OSBPL10: variants seen among roughly 807,000 people sequenced by gnomAD.
The protein encoded by OSBPL10 is oxysterol-binding protein-related protein 10.
A neutral mutation model predicts 81.7 loss-of-function variants in OSBPL10; 49 were observed. That is an observed-to-expected ratio of 0.60 (90% CI 0.48 to 0.76). The LOEUF (loss-of-function observed/expected upper bound fraction) is 0.76. OSBPL10 is among the 30% of genes least tolerant of loss of function. The pLI, the probability that OSBPL10 is intolerant of heterozygous loss-of-function variation, is 0.00. For synonymous variants in OSBPL10, 419 were observed against 383.6 expected (o/e 1.09, Z -1.08); for missense variants, 923 against 987.8 (o/e 0.93, Z 0.88).
intron 4 of OSBPL10, among the ~76,000 whole-genome samples, chr3:31,817,112 C>T (rs772266268): frequency 9.9e-5 from 15 of 152,170 alleles, no homozygotes; most frequent in Non-Finnish European, 1.5e-4. Context: ...GCCAACTGGT[C>T]CATGGGTGGC....
chr3:31,980,831 A>C (rs1417991370), intron 1 of OSBPL10, 68 bp downstream of exon 1: 1 of 1,427,586 alleles, frequency 7.0e-7, no homozygotes, highest in African/African-American at 1.9e-5. Flanking sequence ...ACACACATAC[A>C]CACACGCACG....
chr3:31,897,129 A>T (rs1225623487), intron 1 of OSBPL10, among the ~76,000 whole-genome samples: 1 of 152,228 alleles, frequency 6.6e-6, no homozygotes, highest in Non-Finnish European at 1.5e-5. Context: ...CCTAATAGAA[A>T]ACAAAGAACT....
intron 4 of OSBPL10, among the ~76,000 whole-genome samples, chr3:31,811,335 G>A (rs1186280141): frequency 6.6e-6 from 1 of 152,206 alleles, no homozygotes; most frequent in African/African-American, 2.4e-5. Flanking sequence ...ACCCGGAGAG[G>A]CCTGGGCTCA....
intron 11 of OSBPL10, chr3:31,662,615 G>T: frequency 1.0e-6 from 1 of 995,022 alleles, no homozygotes; most frequent in Non-Finnish European, 1.2e-6. Context: ...GAATTAAAAT[G>T]GTATTAATAC....
chr3:31,940,444 A>G (rs1265408199), intron 1 of OSBPL10, among the ~76,000 whole-genome samples: 1 of 152,130 alleles, frequency 6.6e-6, no homozygotes, highest in African/African-American at 2.4e-5. Context: ...GCACTGGGGA[A>G]TTTTCTGGGC....
In OSBPL10 at chr3:31,753,203, T is replaced by C. The variant is rs1697773332; in HGVS notation, c.730-5083A>G. The stretch of plus-strand genomic sequence containing the variant: ...TTCAAGGATTTTTTTTTTTTTTTTT[T>C]TAGACAGAGTTTCAATCTTTATTGA... On this transcript the variant is annotated intron_variant, in intron 4 of 11. Coordinates refer to ENST00000396556, the MANE Select transcript of OSBPL10 (RefSeq NM_017784.5). Among the ~76,000 whole-genome samples, 5 of 136,472 alleles carry C rather than the reference T, an allele frequency of 3.7e-5. No homozygotes were observed. The South Asian group carries it at 1.2e-3, about 32-fold the overall frequency. The allele number at this position is 136,472 out of a possible 152,430, so 89.5% of individuals were successfully genotyped here.
Position 31,879,843 on chromosome 3 carries a change from A to G in OSBPL10, c.282-13T>C. On this transcript the variant is annotated splice_polypyrimidine_tract_variant and intron_variant, in intron 1 of 11. Transcript: ENST00000396556. ...CAGTACGAAGTACCTGCACAGAGAA[A>G]CCACAGTACATCATTTTTCTCTCCT... The G allele has an allele frequency of 2.5e-6, 4 of 1,610,216 alleles. No individual in the cohort carries two copies. Among genetic ancestry groups the G allele is most frequent in the Non-Finnish European group, 3.4e-6 (4 of 1,178,616 alleles).
intron 4 of OSBPL10, among the ~76,000 whole-genome samples, chr3:31,799,668 A>C (rs950004935): frequency 6.6e-6 from 1 of 152,198 alleles, no homozygotes; most frequent in African/African-American, 2.4e-5. Flanking sequence ...CAAATAAGAA[A>C]ATAAAGCCTC....
At chr3:31,772,176 C>T (rs1698401595) in intron 4 of OSBPL10, among the ~76,000 whole-genome samples, 1 of 152,198 alleles carries the variant, frequency 6.6e-6, no homozygotes, top group South Asian at 2.1e-4. Flanking sequence ...TTACCCCGAA[C>T]CTCTGGTCAC....
At chr3:31,837,693 T>C (rs373393085) in intron 3 of OSBPL10, among the ~76,000 whole-genome samples, 6 of 149,758 alleles carry the variant, frequency 4.0e-5, no homozygotes. Flanking sequence ...TTGCCAGATA[T>C]ATGATGAATT....
intron 4 of OSBPL10, among the ~76,000 whole-genome samples, chr3:31,763,895 A>C (rs908485022): frequency 6.6e-6 from 1 of 152,180 alleles, no homozygotes; most frequent in African/African-American, 2.4e-5. Flanking sequence ...CTGCTTCATT[A>C]ATCTGAAAGG....
intron 7 of OSBPL10, among the ~76,000 whole-genome samples, chr3:31,696,828 C>A (rs1695735910): frequency 6.6e-6 from 1 of 152,242 alleles, no homozygotes; most frequent in African/African-American, 2.4e-5. Context: ...CTGAGCCTCA[C>A]TCATGAACTC....
chr3:31,979,106 C>T (rs534106595), intron 1 of OSBPL10, among the ~76,000 whole-genome samples: 9 of 152,292 alleles, frequency 5.9e-5, no homozygotes, highest in African/African-American at 1.9e-4. Context: ...ACTGACAAGG[C>T]ACCTTGAGTT....
At chr3:31,822,905 C>A in intron 4 of OSBPL10, among the ~76,000 whole-genome samples, 1 of 40,090 alleles carries the variant, frequency 2.5e-5, no homozygotes, top group African/African-American at 6.9e-5. Flanking sequence ...GAGTGAGACC[C>A]CCAACTCTAA....
In OSBPL10 at chr3:31,708,955, T is replaced by A. The variant is rs910812540; in HGVS notation, c.1096-6447A>T. 2.4e-5 allele frequency: 24 copies of A among 985,440 alleles called. No homozygotes were observed. The African/African-American group carries it at 4.2e-4, about 17-fold the overall frequency. The allele number at this position is 985,440 out of a possible 1,614,324, so 61.0% of individuals were successfully genotyped here. ...CTGCTGCAGGGCGGCTGTTGAAGGC[T>A]CCTGCACACGTACTATCCTCTACAT... is the stretch of plus-strand genomic sequence containing the variant. On this transcript the variant is annotated intron_variant, in intron 6 of 11. Transcript: ENST00000396556.
chr3:31,791,503 G>C (rs943349125), intron 4 of OSBPL10, among the ~76,000 whole-genome samples: 1 of 152,070 alleles, frequency 6.6e-6, no homozygotes. Context: ...TTCACAGCAG[G>C]ATCAATTCAG....
Position 31,833,018 on chromosome 3 carries a change from G to A in OSBPL10, c.538-2787C>T, listed in dbSNP as rs540405909. 2.3e-3 allele frequency among the ~76,000 whole-genome samples: 355 copies of A among 152,308 alleles called. No homozygotes were observed. The Middle Eastern group carries it at 0.024, about 10-fold the overall frequency. On this transcript the variant is annotated intron_variant, in intron 3 of 11. Coordinates refer to ENST00000396556, the MANE Select transcript of OSBPL10 (RefSeq NM_017784.5). ...GTAAAGATTCTCTGGATTTGACTTG[G>A]ACATAATGAATTGGAATGCAGATAA...
intron 3 of OSBPL10, among the ~76,000 whole-genome samples, chr3:31,854,545 G>A (rs191596669): frequency 1.3e-5 from 2 of 152,230 alleles, no homozygotes; most frequent in East Asian, 3.9e-4. Flanking sequence ...TTTTAAAAGT[G>A]TTAGACTATA....
At chr3:31,948,946 G>A (rs1697782537) in intron 1 of OSBPL10, among the ~76,000 whole-genome samples, 1 of 152,300 alleles carries the variant, frequency 6.6e-6, no homozygotes, top group East Asian at 1.9e-4. Context: ...TGTAATAAAA[G>A]ACTATTTGAT....
Sources: allele counts gnomAD v4.1 joint callset (sites outside exome capture counted in the v4.1 genomes callset), GRCh38; gene constraint gnomAD v4.1.1; transcripts MANE v1.5; gene names NCBI Gene and HGNC (gene_info 2026-07-23, HGNC 2026-07-21).